Variants in DYNC2H1 observed in about 807,000 individuals in gnomAD.
DYNC2H1 encodes dynein cytoplasmic 2 heavy chain 1.
Under a neutral mutation model 570.0 loss-of-function variants are expected in DYNC2H1, and 410 were observed. The observed-to-expected ratio is 0.72, with a 90% CI of 0.66 to 0.78. The LOEUF is 0.78. Among genes scored for constraint, DYNC2H1 ranks in the 30% least tolerant of loss-of-function variants. DYNC2H1 has a pLI of 0.00. For missense variants in DYNC2H1, 4,865 were observed against 5,046.4 expected (o/e 0.96, Z 1.09); for synonymous variants, 1,688 against 1,677.6 (o/e 1.01, Z -0.15).
chr11:103,323,240 G>A (rs990562549), intron 81 of DYNC2H1, among the ~76,000 whole-genome samples: 9 of 152,154 alleles, frequency 5.9e-5, no homozygotes, highest in Non-Finnish European at 1.3e-4. Flanking sequence ...TTAAAGTCAT[G>A]AGTGAGTAAC....
At chr11:103,142,839 C>G (rs1565337746) in intron 17 of DYNC2H1, among the ~76,000 whole-genome samples, 1 of 152,288 alleles carries the variant, frequency 6.6e-6, no homozygotes, top group South Asian at 2.1e-4. Flanking sequence ...TTGTATTTCT[C>G]ATTTGTATTG....
intron 85 of DYNC2H1, among the ~76,000 whole-genome samples, chr11:103,437,913 ATT>A (rs2135757885): frequency 6.6e-6 from 1 of 152,206 alleles, no homozygotes; most frequent in African/African-American, 2.4e-5. Context: ...CTTTAAAACA[ATT>A]TTACATGAAT....
At chr11:103,210,161 C>A (rs1459203356) in intron 53 of DYNC2H1, among the ~76,000 whole-genome samples, 2 of 151,776 alleles carry the variant, frequency 1.3e-5, no homozygotes, top group Non-Finnish European at 2.9e-5. Flanking sequence ...AACCTAGAAC[C>A]CAACAGAATA....
At chr11:103,390,420 C>T (rs373559209) in intron 83 of DYNC2H1, among the ~76,000 whole-genome samples, 1 of 151,640 alleles carries the variant, frequency 6.6e-6, no homozygotes, top group Admixed American at 6.6e-5. Context: ...TTCCTGAATA[C>T]AGCACACTGA....
chr11:103,417,387 C>T (rs1269994621), intron 84 of DYNC2H1, among the ~76,000 whole-genome samples: 3 of 152,108 alleles, frequency 2.0e-5, no homozygotes, highest in Admixed American at 2.0e-4. Flanking sequence ...AGGCGTGAGC[C>T]ATCACACCTG....
At chr11:103,131,778 C>G (rs1297965927) in intron 13 of DYNC2H1, among the ~76,000 whole-genome samples, 2 of 152,066 alleles carry the variant, frequency 1.3e-5, no homozygotes, top group Non-Finnish European at 2.9e-5. Flanking sequence ...ATGATTTCAG[C>G]TGACAAACTA....
chr11:103,464,341 A>C (rs1945124718), intron 87 of DYNC2H1, among the ~76,000 whole-genome samples: 1 of 147,144 alleles, frequency 6.8e-6, no homozygotes, highest in Non-Finnish European at 1.5e-5. Flanking sequence ...AAGACATGAT[A>C]AATTGGTTAT....
chr11:103,165,163 C>G (rs1044948247), intron 30 of DYNC2H1, among the ~76,000 whole-genome samples: 1 of 152,138 alleles, frequency 6.6e-6, no homozygotes, highest in African/African-American at 2.4e-5. Flanking sequence ...AGCAGCTTAG[C>G]CTGCTCTCAT....
rs552557549 is a variant in DYNC2H1 at position 103,395,120 on chromosome 11, C to G, written c.12157-4543C>G. 1.3e-5 allele frequency among the ~76,000 whole-genome samples: 2 copies of G among 152,128 alleles called. No homozygotes were observed. Among genetic ancestry groups the G allele is most frequent in the African/African-American group, 2.4e-5 (1 of 41,504 alleles). ...TATGTAATATTTTGACCTTTCTGATCGTAGATGCTTGGGAAAGTTGTCTGT... is the reference window on the plus strand; with the variant it reads ...TATGTAATATTTTGACCTTTCTGATGGTAGATGCTTGGGAAAGTTGTCTGT... On this transcript the variant is annotated intron_variant, in intron 83 of 88. Coordinates refer to ENST00000375735, the MANE Select transcript of DYNC2H1 (RefSeq NM_001377.3). This position sits in a 1 kb window ranked among gnomAD's most constrained non-coding sequence, Gnocchi z 4.3.
intron 82 of DYNC2H1, among the ~76,000 whole-genome samples, chr11:103,332,822 T>TA (rs1195184874): frequency 6.6e-6 from 1 of 152,054 alleles, no homozygotes; most frequent in East Asian, 1.9e-4. Flanking sequence ...GCCAACATGG[T>TA]GAAACCCTGT....
chr11:103,288,684 T>TGAAAAAAAA (rs1401919829), intron 75 of DYNC2H1, among the ~76,000 whole-genome samples: 1 of 27,904 alleles, frequency 3.6e-5, no homozygotes, highest in African/African-American at 1.6e-4. Context: ...CCGTCTCTAC[T>TGAAAAAAAA]AAAAAAAAAA....
chr11:103,370,385 C>T (rs1379628151), intron 83 of DYNC2H1, among the ~76,000 whole-genome samples: 2 of 152,206 alleles, frequency 1.3e-5, no homozygotes, highest in East Asian at 1.9e-4. Flanking sequence ...ACACCCATGG[C>T]TTGGGGAAGC....
At chr11:103,139,190 T>G (rs1004736354) in intron 17 of DYNC2H1, among the ~76,000 whole-genome samples, 6 of 152,170 alleles carry the variant, frequency 3.9e-5, no homozygotes, top group East Asian at 1.9e-4. Context: ...ATTTTTTGAA[T>G]GGTTTTTTGT....
chr11:103,431,440 G>A lies in DYNC2H1; in HGVS notation c.12367-4503G>A, dbSNP rs193258035. Among the ~76,000 whole-genome samples, 4 of 152,154 alleles carry A rather than the reference G, an allele frequency of 2.6e-5. No individual in the cohort carries two copies. The East Asian group carries it at 7.7e-4, about 29-fold the overall frequency. The stretch of plus-strand genomic sequence containing the variant: ...ACCTGGGGGTTTACATCCTGGATCT[G>A]CCATTTGCCAGCTCTGTGATTTTTG... On this transcript the variant is annotated intron_variant, in intron 84 of 88. Coordinates refer to ENST00000375735, the MANE Select transcript of DYNC2H1 (RefSeq NM_001377.3).
intron 76 of DYNC2H1, among the ~76,000 whole-genome samples, chr11:103,303,476 A>C (rs1336271251): frequency 1.3e-5 from 2 of 152,136 alleles, no homozygotes; most frequent in Non-Finnish European, 2.9e-5. Flanking sequence ...TGGATTAGCC[A>C]GGTGGACCCA....
chr11:103,220,231 C>G (rs1214384656), intron 56 of DYNC2H1, among the ~76,000 whole-genome samples: 2 of 152,074 alleles, frequency 1.3e-5, no homozygotes, highest in Non-Finnish European at 2.9e-5. Context: ...TAAAAATAAT[C>G]TTTGTTTTCC....
chr11:103,213,790 CTGTT>C (rs1336153526), intron 54 of DYNC2H1, among the ~76,000 whole-genome samples: 1 of 152,124 alleles, frequency 6.6e-6, no homozygotes, highest in Non-Finnish European at 1.5e-5. Flanking sequence ...TTTATTCACT[CTGTT>C]AATTGTTTCC....
Position 103,169,544 on chromosome 11 carries a change from T to A in DYNC2H1, c.4969-564T>A, listed in dbSNP as rs537562146. 2.6e-5 allele frequency among the ~76,000 whole-genome samples: 4 copies of A among 152,180 alleles called. No individual in the cohort carries two copies. The East Asian group carries it at 7.7e-4, about 29-fold the overall frequency. On this transcript the variant is annotated intron_variant, in intron 32 of 88. Coordinates refer to ENST00000375735, the MANE Select transcript of DYNC2H1 (RefSeq NM_001377.3). ...AAATGGCTTTTTCAAAAGGGAAATG[T>A]ATTTGGGACCCAAATCTATCTACCT...
chr11:103,170,373 T>C lies in DYNC2H1; in HGVS notation c.5151+83T>C. ...TCTATTAGTATATGAAATACTCTAC[T>C]TAAAAATCACTACATTTAAATTAGT... On this transcript the variant is annotated intron_variant, in intron 33 of 88. Coordinates refer to ENST00000375735, the MANE Select transcript of DYNC2H1 (RefSeq NM_001377.3). The surrounding 1 kb of genome is among the most constrained non-coding windows in gnomAD (Gnocchi z 4.8). The C allele has an allele frequency of 1.6e-6, 2 of 1,267,940 alleles. No individual in the cohort carries two copies. Among genetic ancestry groups the C allele is most frequent in the African/African-American group, 1.5e-5 (1 of 64,964 alleles). 78.5% of individuals were successfully genotyped at this position (1,267,940 alleles called of 1,614,324 possible).
Sources: allele counts gnomAD v4.1 joint callset (sites outside exome capture counted in the v4.1 genomes callset), GRCh38; gene constraint gnomAD v4.1.1; non-coding constraint Gnocchi (gnomAD v3.1); transcripts MANE v1.5; gene names NCBI Gene and HGNC (gene_info 2026-07-23, HGNC 2026-07-21).